CCSER1: variants seen among roughly 807,000 people sequenced by gnomAD.
CCSER1 encodes coiled-coil serine rich protein 1, also known as serine-rich coiled-coil domain-containing protein 1.
CCSER1 carries 41 observed loss-of-function variants against 82.0 expected under a neutral mutation model. The observed-to-expected ratio is 0.50, with a 90% confidence interval of 0.39 to 0.65. CCSER1 has a LOEUF of 0.65. Among genes scored for constraint, CCSER1 ranks in the 30% least tolerant of loss-of-function variants. The probability of loss-of-function intolerance (pLI) is 0.00; values close to 1 mark genes in which losing one functional copy is unlikely to be tolerated. For synonymous variants in CCSER1, 414 were observed against 383.9 expected (o/e 1.08, Z -0.92); for missense variants, 1,119 against 1,064.2 (o/e 1.05, Z -0.72).
chr4:91,081,204 T>G (rs767939995), intron 9 of CCSER1, among the ~76,000 whole-genome samples: 1 of 152,152 alleles, frequency 6.6e-6, no homozygotes, highest in African/African-American at 2.4e-5. Flanking sequence ...AAAAAGCTTA[T>G]CCACCACGAT....
At chr4:91,359,874 A>G (rs1176052815) in intron 10 of CCSER1, among the ~76,000 whole-genome samples, 1 of 151,826 alleles carries the variant, frequency 6.6e-6, no homozygotes, top group Non-Finnish European at 1.5e-5. Context: ...TGCAGATAGA[A>G]AGCCTTAAAG....
chr4:90,579,525 A>G (rs1425488524), intron 5 of CCSER1, among the ~76,000 whole-genome samples: 1 of 152,182 alleles, frequency 6.6e-6, no homozygotes, highest in African/African-American at 2.4e-5. Context: ...CAATTAACAT[A>G]TTAATCCACT....
chr4:91,002,237 G>T (rs1326487433), intron 9 of CCSER1, among the ~76,000 whole-genome samples: 2 of 152,196 alleles, frequency 1.3e-5, no homozygotes, highest in Non-Finnish European at 2.9e-5. Context: ...CTGAGGCAAT[G>T]ATCTTTTTGT....
intron 1 of CCSER1, among the ~76,000 whole-genome samples, chr4:90,210,917 T>C (rs1288468404): frequency 1.3e-5 from 2 of 152,202 alleles, no homozygotes; most frequent in African/African-American, 4.8e-5. Context: ...TGCTTTATGA[T>C]TTAATTAGCT....
intron 10 of CCSER1, among the ~76,000 whole-genome samples, chr4:91,544,857 C>T (rs1213324670): frequency 6.6e-6 from 1 of 152,178 alleles, no homozygotes; most frequent in African/African-American, 2.4e-5. Context: ...ACATTTAAGT[C>T]TGCAGAAGTT....
chr4:90,865,554 G>A (rs1187898719), intron 8 of CCSER1, among the ~76,000 whole-genome samples: 1 of 151,882 alleles, frequency 6.6e-6, no homozygotes, highest in Non-Finnish European at 1.5e-5. Context: ...ATTAGACTTA[G>A]TATCTCACAC....
intron 9 of CCSER1, among the ~76,000 whole-genome samples, chr4:91,064,319 AAC>A: frequency 6.6e-6 from 1 of 152,294 alleles, no homozygotes; most frequent in African/African-American, 2.4e-5. Flanking sequence ...GGCCTCTGAT[AAC>A]TCAGAGGCAT....
chr4:90,533,004 GT>G (rs1227835876), intron 5 of CCSER1, among the ~76,000 whole-genome samples: 1 of 151,250 alleles, frequency 6.6e-6, no homozygotes, highest in African/African-American at 2.4e-5. Context: ...ATTTTACAGG[GT>G]TGAGGGTCTC....
intron 10 of CCSER1, among the ~76,000 whole-genome samples, chr4:91,212,262 T>C (rs1473056634): frequency 2.0e-5 from 3 of 151,948 alleles, no homozygotes; most frequent in African/African-American, 7.2e-5. Flanking sequence ...AGGGCTCGTT[T>C]GAAAACAGTT....
At chr4:91,404,689 A>G (rs915041206) in intron 10 of CCSER1, among the ~76,000 whole-genome samples, 1 of 152,022 alleles carries the variant, frequency 6.6e-6, no homozygotes, top group African/African-American at 2.4e-5. Flanking sequence ...TTCAGTTTCC[A>G]TGTTGTTGAG....
chr4:91,013,192 T>A (rs1230562632), intron 9 of CCSER1, among the ~76,000 whole-genome samples: 1 of 134,826 alleles, frequency 7.4e-6, no homozygotes, highest in African/African-American at 2.5e-5. Context: ...GGAGTTTTTT[T>A]ATTTCAAGTC....
chr4:90,984,393 A>T (rs182671114), intron 9 of CCSER1, among the ~76,000 whole-genome samples: 2 of 151,880 alleles, frequency 1.3e-5, no homozygotes, highest in Admixed American at 1.3e-4. Context: ...GTAGGCAAGG[A>T]TCTGTCTCTT....
intron 7 of CCSER1, among the ~76,000 whole-genome samples, chr4:90,756,542 G>A (rs1472124538): frequency 2.0e-5 from 3 of 152,114 alleles, no homozygotes; most frequent in Non-Finnish European, 4.4e-5. Flanking sequence ...CTATAGATTT[G>A]TGTTTTATGA....
chr4:90,465,664 G>A (rs1210460829), intron 4 of CCSER1, among the ~76,000 whole-genome samples: 1 of 152,156 alleles, frequency 6.6e-6, no homozygotes, highest in African/African-American at 2.4e-5. Context: ...TTATGTGCTT[G>A]AACTGAATAA....
chr4:91,520,724 C>G (rs568048674), intron 10 of CCSER1, among the ~76,000 whole-genome samples: 1 of 151,932 alleles, frequency 6.6e-6, no homozygotes, highest in South Asian at 2.1e-4. Flanking sequence ...CAACAAATTC[C>G]CTTAGTTTCC....
intron 4 of CCSER1, among the ~76,000 whole-genome samples, chr4:90,402,694 C>G (rs1753055903): frequency 6.6e-6 from 1 of 152,186 alleles, no homozygotes; most frequent in Non-Finnish European, 1.5e-5. Context: ...GTTTGGTAGT[C>G]AACCACAATG....
At chr4:90,956,648 A>G (rs1341445770) in intron 9 of CCSER1, among the ~76,000 whole-genome samples, 4 of 152,162 alleles carry the variant, frequency 2.6e-5, no homozygotes, top group East Asian at 3.8e-4. Context: ...GGAGAGAAAT[A>G]TGTAAATAAG....
At chr4:91,108,926 A>T (rs1374324487) in intron 10 of CCSER1, among the ~76,000 whole-genome samples, 1 of 152,146 alleles carries the variant, frequency 6.6e-6, no homozygotes, top group Non-Finnish European at 1.5e-5. Flanking sequence ...ATCTGCCCTC[A>T]CCCAGTGTGG....
At chr4:91,129,874 T>G (rs559177350) in intron 10 of CCSER1, 1 of 152,132 alleles carries the variant, frequency 6.6e-6, no homozygotes, top group South Asian at 2.1e-4. Flanking sequence ...CTGTATTGAT[T>G]AGGAATTTTC....
Sources: allele counts gnomAD v4.1 joint callset (sites outside exome capture counted in the v4.1 genomes callset), GRCh38; gene constraint gnomAD v4.1.1; transcripts MANE v1.5; gene names NCBI Gene and HGNC (gene_info 2026-07-23, HGNC 2026-07-21).